The following OR7E24 variants were observed in gnomAD, a reference collection of about 807,000 sequenced individuals.
The protein encoded by OR7E24 is olfactory receptor family 7 subfamily E member 24.
For synonymous variants in OR7E24, 130 were observed against 157.5 expected, an observed-to-expected ratio of 0.83 and a Z score of 1.31; for missense variants, 385 against 410.3, an observed-to-expected ratio of 0.94 and a Z score of 0.53.
chr19:9,221,546 TA>T, the OR7E24 span, among the ~76,000 whole-genome samples: 64,753 of 150,274 alleles, frequency 0.43, 18,453 homozygotes, highest in African/African-American at 0.82. Flanking sequence ...GAGACGGGGT[TA>T]TCACCGTGTT....
chr19:9,219,441 T>C, the OR7E24 span: 1 of 152,192 alleles, frequency 6.6e-6, no homozygotes, highest in East Asian at 1.9e-4. Flanking sequence ...ACTCAATAAG[T>C]ATGGGACTTT....
the OR7E24 span, chr19:9,214,353 A>G: frequency 5.0e-6 from 8 of 1,614,044 alleles, no homozygotes; most frequent in Non-Finnish European, 6.8e-6. Context: ...CCTCTTCATC[A>G]GTAGAATATG....
chr19:9,241,481 C>T, the OR7E24 span, among the ~76,000 whole-genome samples: 1 of 152,084 alleles, frequency 6.6e-6, no homozygotes, highest in Non-Finnish European at 1.5e-5. Flanking sequence ...AATATCCCGG[C>T]TCGACCAGGC....
chr19:9,212,745 T>A, the OR7E24 span: 1 of 152,110 alleles, frequency 6.6e-6, no homozygotes, highest in African/African-American at 2.4e-5. Context: ...ATTATCATTC[T>A]TTGCTTTTGT....
At chr19:9,242,805 T>C (rs544104386), upstream of OR7E24, among the ~76,000 whole-genome samples, 6 of 152,232 alleles carry the variant, frequency 3.9e-5, no homozygotes, top group African/African-American at 4.8e-5. Context: ...TTTGTGATTA[T>C]TCCTTTTCTT....
chr19:9,249,941 C>G (rs1218792334), upstream of OR7E24, among the ~76,000 whole-genome samples: 1 of 151,464 alleles, frequency 6.6e-6, no homozygotes, highest in African/African-American at 2.4e-5. Flanking sequence ...GTGACAGGCT[C>G]AAAACTTCGA....
At chr19:9,230,704 C>A in the OR7E24 span, among the ~76,000 whole-genome samples, 1 of 152,138 alleles carries the variant, frequency 6.6e-6, no homozygotes, top group Non-Finnish European at 1.5e-5. Context: ...AATTCTATAT[C>A]ATTGTTGTTG....
At chr19:9,226,002 A>G in the OR7E24 span, among the ~76,000 whole-genome samples, 1 of 152,230 alleles carries the variant, frequency 6.6e-6, no homozygotes, top group African/African-American at 2.4e-5. Context: ...TCACGGCTAG[A>G]ACACAGCAAG....
At chr19:9,241,487 C>G in the OR7E24 span, among the ~76,000 whole-genome samples, 1 of 152,150 alleles carries the variant, frequency 6.6e-6, no homozygotes, top group Admixed American at 6.5e-5. Flanking sequence ...CCGGCTCGAC[C>G]AGGCTTGGTG....
chr19:9,209,038 T>A, the OR7E24 span: 1 of 152,236 alleles, frequency 6.6e-6, no homozygotes, highest in African/African-American at 2.4e-5. Flanking sequence ...CCACTGGTAA[T>A]GCTTTGTTGT....
At chr19:9,248,270 T>C (rs2066136023), upstream of OR7E24, among the ~76,000 whole-genome samples, 1 of 152,224 alleles carries the variant, frequency 6.6e-6, no homozygotes, top group African/African-American at 2.4e-5. Flanking sequence ...GGATCTCAGC[T>C]CTGTGTTTTG....
At chr19:9,207,530 G>A in the OR7E24 span, 1 of 152,166 alleles carries the variant, frequency 6.6e-6, no homozygotes, top group African/African-American at 2.4e-5. Context: ...AGGAAGGAGT[G>A]GAGCATGAAA....
chr19:9,235,398 C>T, the OR7E24 span: 1 of 1,592,070 alleles, frequency 6.3e-7, no homozygotes, highest in Non-Finnish European at 8.6e-7. Context: ...TAGTGAACAT[C>T]CAGGCACGGA....
At chr19:9,221,258 C>T in the OR7E24 span, among the ~76,000 whole-genome samples, 1 of 141,178 alleles carries the variant, frequency 7.1e-6, no homozygotes, top group African/African-American at 2.7e-5. Flanking sequence ...GGTGACAGAG[C>T]GAGACTCGTC....
chr19:9,231,894 T>G, the OR7E24 span, among the ~76,000 whole-genome samples: 1 of 152,178 alleles, frequency 6.6e-6, no homozygotes, highest in Admixed American at 6.5e-5. Flanking sequence ...AAAATTTCTG[T>G]TTTGTGTTAT....
chr19:9,216,238 T>G, the OR7E24 span, among the ~76,000 whole-genome samples: 3 of 152,186 alleles, frequency 2.0e-5, no homozygotes, highest in Non-Finnish European at 4.4e-5. Context: ...TGTGGCCTCC[T>G]TGTTCTGGCA....
the OR7E24 span, among the ~76,000 whole-genome samples, chr19:9,237,190 T>C: frequency 6.6e-6 from 1 of 152,206 alleles, no homozygotes; most frequent in African/African-American, 2.4e-5. Context: ...TTGTGATTCT[T>C]GCTTTTGTCC....
chr19:9,231,884 A>G, the OR7E24 span, among the ~76,000 whole-genome samples: 1 of 152,170 alleles, frequency 6.6e-6, no homozygotes, highest in African/African-American at 2.4e-5. Context: ...GAAATGAATA[A>G]AAATTTCTGT....
chr19:9,229,027 C>G, the OR7E24 span, among the ~76,000 whole-genome samples: 1 of 152,128 alleles, frequency 6.6e-6, no homozygotes, highest in African/African-American at 2.4e-5. Flanking sequence ...TTTCAAAACT[C>G]ATCATGTGTA....
Sources: allele counts gnomAD v4.1 joint callset (sites outside exome capture counted in the v4.1 genomes callset), GRCh38; gene constraint gnomAD v4.1.1; transcripts MANE v1.5; gene names NCBI Gene and HGNC (gene_info 2026-07-23, HGNC 2026-07-21).